The following RPS6KC1 variants were observed in gnomAD, a reference collection of about 807,000 sequenced individuals.
RPS6KC1 encodes inactive ribosomal protein S6 kinase delta-1.
RPS6KC1 carries 54 observed loss-of-function variants against 103.8 expected under a neutral mutation model. The ratio of observed to expected loss-of-function variants is 0.52; its 90% confidence interval spans 0.42 to 0.65. RPS6KC1 has a LOEUF of 0.65. Among genes scored for constraint, RPS6KC1 ranks in the 30% least tolerant of loss-of-function variants. RPS6KC1 has a pLI of 0.00. For synonymous variants in RPS6KC1, 439 were observed against 438.7 expected (o/e 1.00, Z -0.01); for missense variants, 1,151 against 1,253.8 (o/e 0.92, Z 1.24).
chr1:213,379,804 A>G, the RPS6KC1 span, among the ~76,000 whole-genome samples: 2 of 152,154 alleles, frequency 1.3e-5, no homozygotes, highest in Non-Finnish European at 1.5e-5. Context: ...TACAATATCT[A>G]TTGTTACAAA....
At chr1:213,286,078 T>A in the RPS6KC1 span, among the ~76,000 whole-genome samples, 10 of 152,214 alleles carry the variant, frequency 6.6e-5, no homozygotes, top group Non-Finnish European at 1.5e-4. Context: ...TCTTCTGCTT[T>A]TAAGAACCAG....
chr1:213,414,728 G>T, the RPS6KC1 span, among the ~76,000 whole-genome samples: 2 of 151,656 alleles, frequency 1.3e-5, no homozygotes, highest in African/African-American at 2.4e-5. Context: ...ATGGATAAAT[G>T]GAGTAAAATA....
chr1:213,114,197 G>A (rs2083328966), intron 4 of RPS6KC1, among the ~76,000 whole-genome samples: 1 of 152,088 alleles, frequency 6.6e-6, no homozygotes, highest in African/African-American at 2.4e-5. Flanking sequence ...CATGAGCATG[G>A]AATATTCTTC....
the RPS6KC1 span, among the ~76,000 whole-genome samples, chr1:213,354,536 G>T: frequency 6.6e-6 from 1 of 152,120 alleles, no homozygotes; most frequent in Non-Finnish European, 1.5e-5. Flanking sequence ...CCTGAAACTG[G>T]GTAATATATA....
At chr1:213,772,218 G>A in the RPS6KC1 span, among the ~76,000 whole-genome samples, 1 of 152,140 alleles carries the variant, frequency 6.6e-6, no homozygotes, top group Non-Finnish European at 1.5e-5. Context: ...CCATTATGCA[G>A]CGTGGGTAAG....
chr1:213,084,518 T>G (rs995684686), intron 3 of RPS6KC1, among the ~76,000 whole-genome samples: 2 of 152,200 alleles, frequency 1.3e-5, no homozygotes, highest in Non-Finnish European at 2.9e-5. Flanking sequence ...TCACTAAGAA[T>G]AGGGATATTG....
chr1:213,322,279 G>T, the RPS6KC1 span, among the ~76,000 whole-genome samples: 1 of 152,138 alleles, frequency 6.6e-6, no homozygotes, highest in Non-Finnish European at 1.5e-5. Flanking sequence ...GTGACAGAGT[G>T]AGGCTCTGTC....
chr1:213,160,411 C>A (rs1023282452), intron 6 of RPS6KC1, among the ~76,000 whole-genome samples: 3 of 152,184 alleles, frequency 2.0e-5, no homozygotes, highest in African/African-American at 7.2e-5. Flanking sequence ...AATATAGATT[C>A]TCCTTTTAGT....
the RPS6KC1 span, among the ~76,000 whole-genome samples, chr1:213,584,343 G>T: frequency 6.6e-6 from 1 of 152,212 alleles, no homozygotes; most frequent in Non-Finnish European, 1.5e-5. Flanking sequence ...GGCTGTGGAT[G>T]CTGGCAGTCC....
In RPS6KC1 at chr1:213,084,884, T is replaced by G. The variant is rs143860073; in HGVS notation, c.262+7068T>G. ...CTGGCTGGATACTGCATAGGTGTCC[T>G]CAGAGTATCTCATCTGAAGGCACAT... is the stretch of plus-strand genomic sequence containing the variant. On this transcript the variant is annotated intron_variant, in intron 3 of 14. Transcript: ENST00000366960. Among the ~76,000 whole-genome samples, 318 of 152,346 alleles carry G rather than the reference T, an allele frequency of 2.1e-3. 1 individual carries two copies. The highest frequency in any genetic ancestry group is 3.1e-3 in the Non-Finnish European group (210 of 68,030).
chr1:213,206,315 G>A (rs548682199), intron 8 of RPS6KC1, among the ~76,000 whole-genome samples: 1 of 152,296 alleles, frequency 6.6e-6, no homozygotes, highest in South Asian at 2.1e-4. Context: ...AGATCTTGTG[G>A]TCTATCTACA....
chr1:213,507,986 T>C, the RPS6KC1 span, among the ~76,000 whole-genome samples: 1 of 152,236 alleles, frequency 6.6e-6, no homozygotes. Context: ...TAAACAACTG[T>C]CAATTGCTGA....
At chr1:213,340,889 A>C in the RPS6KC1 span, among the ~76,000 whole-genome samples, 2 of 152,252 alleles carry the variant, frequency 1.3e-5, no homozygotes, top group Non-Finnish European at 2.9e-5. Flanking sequence ...AAGCAGGGCC[A>C]AGCCGTGTAG....
At chr1:213,407,745 T>A in the RPS6KC1 span, among the ~76,000 whole-genome samples, 1 of 152,188 alleles carries the variant, frequency 6.6e-6, no homozygotes, top group South Asian at 2.1e-4. Flanking sequence ...CTTTTGTTGG[T>A]CTATGTGAGT....
At chr1:213,514,846 A>G in the RPS6KC1 span, among the ~76,000 whole-genome samples, 1 of 152,182 alleles carries the variant, frequency 6.6e-6, no homozygotes, top group African/African-American at 2.4e-5. Flanking sequence ...AGTCCCACCA[A>G]CAGTGTAAAA....
the RPS6KC1 span, among the ~76,000 whole-genome samples, chr1:213,431,181 T>C: frequency 6.6e-6 from 1 of 152,220 alleles, no homozygotes; most frequent in Non-Finnish European, 1.5e-5. Flanking sequence ...GGGCCAGCAC[T>C]GCATGGGTGC....
At chr1:213,589,937 TG>T in the RPS6KC1 span, among the ~76,000 whole-genome samples, 1 of 119,610 alleles carries the variant, frequency 8.4e-6, no homozygotes, top group Admixed American at 8.9e-5. Flanking sequence ...CAAAAGGTAG[TG>T]GTGTGTGTGT....
the RPS6KC1 span, among the ~76,000 whole-genome samples, chr1:213,634,793 GT>G: frequency 1.4e-5 from 2 of 146,202 alleles, no homozygotes; most frequent in African/African-American, 5.1e-5. Flanking sequence ...AATCCATAAA[GT>G]TAAAAAAAAA....
At chr1:213,794,480 T>C in the RPS6KC1 span, 1 of 152,250 alleles carries the variant, frequency 6.6e-6, no homozygotes, top group Non-Finnish European at 1.5e-5. Context: ...TAAGGTGAGA[T>C]AGCCATTCTG....
Sources: gnomAD v4.1 joint callset for allele counts (sites outside exome capture counted in the v4.1 genomes callset) on GRCh38, gnomAD v4.1.1 for gene constraint, MANE v1.5 for transcripts, NCBI Gene and HGNC (gene_info 2026-07-23, HGNC 2026-07-21) for gene names.